The following TIAM1 variants were observed in gnomAD, a reference collection of about 807,000 sequenced individuals.
TIAM1 encodes the protein TIAM Rac1 associated GEF 1.
In TIAM1, 65 loss-of-function variants were observed where a neutral mutation model predicts 163.5. That is an observed-to-expected ratio of 0.40 (90% CI 0.33 to 0.49). The LOEUF (loss-of-function observed/expected upper bound fraction) is 0.49, where lower values mean the gene tolerates loss of function less well. TIAM1 is among the 20% of genes least tolerant of loss of function. TIAM1 has a pLI of 0.77. For synonymous variants in TIAM1, 833 were observed against 810.1 expected (o/e 1.03, Z -0.48); for missense variants, 1,789 against 2,044.7 (o/e 0.87, Z 2.41).
At chr21:31,321,781 G>A (rs1311302961) in intron 2 of TIAM1, among the ~76,000 whole-genome samples, 1 of 152,050 alleles carries the variant, frequency 6.6e-6, no homozygotes, top group Non-Finnish European at 1.5e-5. Context: ...ATCTCAGGCC[G>A]GGCACGGTGG....
chr21:31,317,318 G>C (rs1362354010), intron 2 of TIAM1, among the ~76,000 whole-genome samples: 1 of 152,098 alleles, frequency 6.6e-6, no homozygotes, highest in African/African-American at 2.4e-5. Flanking sequence ...GCCGGGCGTG[G>C]TGGCACATGC....
upstream of TIAM1, among the ~76,000 whole-genome samples, chr21:31,344,976 T>TA (rs1244846256): frequency 6.6e-6 from 1 of 152,190 alleles, no homozygotes; most frequent in Non-Finnish European, 1.5e-5. Flanking sequence ...CATGCTAACT[T>TA]AAAGTTTACC....
At chr21:31,254,695 C>G (rs2071996057) in intron 4 of TIAM1, among the ~76,000 whole-genome samples, 1 of 151,360 alleles carries the variant, frequency 6.6e-6, no homozygotes, top group Admixed American at 6.6e-5. Flanking sequence ...GAGAGAGAGA[C>G]CCTGTCTCAA....
At chr21:31,506,002 C>T (rs939000302) in intron 1 of TIAM1, among the ~76,000 whole-genome samples, 6 of 119,698 alleles carry the variant, frequency 5.0e-5, no homozygotes, top group Non-Finnish European at 1.7e-5. Flanking sequence ...CACGGTGAGA[C>T]TCTGCCTCAA....
In TIAM1 at chr21:31,233,953, A is replaced by G. The variant is rs573251090; in HGVS notation, c.1585-8003T>C. Among the ~76,000 whole-genome samples, 3 of 152,224 alleles carry G rather than the reference A, an allele frequency of 2.0e-5. No homozygotes were observed. In the East Asian group the frequency reaches 5.8e-4, roughly 29 times the overall value. On this transcript the variant is annotated intron_variant, in intron 6 of 27. Coordinates refer to ENST00000541036, the MANE Select transcript of TIAM1 (RefSeq NM_001353694.2). ...AAAGCTCAGTCGCCTCCAAGAAAAG[A>G]CTCACAAATAATCGTCAACCGGAGT... is the stretch of plus-strand genomic sequence containing the variant.
intron 16 of TIAM1, chr21:31,160,602 T>C: frequency 2.5e-6 from 1 of 398,398 alleles, no homozygotes; most frequent in African/African-American, 2.1e-5. Flanking sequence ...AGAAGTTTCT[T>C]AAAATATTCC....
At chr21:31,278,483 T>C (rs1036398284) in intron 2 of TIAM1, among the ~76,000 whole-genome samples, 2 of 152,220 alleles carry the variant, frequency 1.3e-5, no homozygotes, top group Non-Finnish European at 2.9e-5. Context: ...GGTACTTTCT[T>C]CCCAGACATT....
intron 1 of TIAM1, among the ~76,000 whole-genome samples, chr21:31,558,068 G>A (rs940375324): frequency 6.6e-6 from 1 of 152,168 alleles, no homozygotes; most frequent in Non-Finnish European, 1.5e-5. Context: ...GAGGGGGCAA[G>A]CGGCAGCCGC....
chr21:31,130,481 G>T lies in TIAM1; in HGVS notation c.3943-166C>A, dbSNP rs940771336. 3.3e-5 allele frequency among the ~76,000 whole-genome samples: 5 copies of T among 152,328 alleles called. No homozygotes were observed. In the South Asian group the frequency reaches 8.3e-4, roughly 25 times the overall value. On this transcript the variant is annotated intron_variant, in intron 24 of 27. Coordinates refer to ENST00000541036, the MANE Select transcript of TIAM1 (RefSeq NM_001353694.2). ...TCCATCCAGCAGGAAGTGAGAGGCT[G>T]CGTGATAAATACGTTGAGGGGAGGG... is the stretch of plus-strand genomic sequence containing the variant.
At chr21:31,124,749 C>T in intron 26 of TIAM1, 55 bp from the exon 27 acceptor site, 1 of 1,438,792 alleles carries the variant, frequency 7.0e-7, no homozygotes. Flanking sequence ...ACATGGGGAA[C>T]TTCTAAGGTT....
chr21:31,445,038 G>GA (rs1200443812), intron 2 of TIAM1, among the ~76,000 whole-genome samples: 1 of 151,028 alleles, frequency 6.6e-6, no homozygotes, highest in African/African-American at 2.4e-5. Context: ...GAAGAGAAAA[G>GA]AAAGAACAGA....
intron 1 of TIAM1, among the ~76,000 whole-genome samples, chr21:31,464,377 T>C (rs958003744): frequency 1.5e-4 from 23 of 152,136 alleles, no homozygotes; most frequent in African/African-American, 5.1e-4. Context: ...AGATGAGTAA[T>C]ACGTTTTTAT....
chr21:31,495,525 C>T (rs1027253403), intron 1 of TIAM1, among the ~76,000 whole-genome samples: 1 of 152,206 alleles, frequency 6.6e-6, no homozygotes, highest in African/African-American at 2.4e-5. Flanking sequence ...ACAGCCTAAT[C>T]GCCTCTTAAA....
At chr21:31,133,328 C>T (rs743325) in intron 23 of TIAM1, among the ~76,000 whole-genome samples, 99,571 of 152,096 alleles carry the variant, frequency 0.65, 34,047 homozygotes, top group African/African-American at 0.86. Flanking sequence ...ACGTCTTGTA[C>T]CTCAGAGCCT....
intron 2 of TIAM1, among the ~76,000 whole-genome samples, chr21:31,338,687 C>A (rs1328866542): frequency 6.6e-6 from 1 of 152,254 alleles, no homozygotes; most frequent in East Asian, 1.9e-4. Context: ...GAGTTAACTG[C>A]GAACGTTGCA....
chr21:31,186,370 A>G (rs1234128260), intron 14 of TIAM1, among the ~76,000 whole-genome samples: 1 of 152,218 alleles, frequency 6.6e-6, no homozygotes, highest in Admixed American at 6.5e-5. Flanking sequence ...ACCAAAGTAC[A>G]GAGGGGTCTT....
chr21:31,280,506 T>G (rs1337411964), intron 2 of TIAM1, among the ~76,000 whole-genome samples: 1 of 152,004 alleles, frequency 6.6e-6, no homozygotes, highest in Non-Finnish European at 1.5e-5. Flanking sequence ...GGTATGTGTT[T>G]ATCAGCAGGA....
At chr21:31,496,300 A>C (rs1042841968) in intron 1 of TIAM1, among the ~76,000 whole-genome samples, 1 of 151,892 alleles carries the variant, frequency 6.6e-6, no homozygotes, top group Admixed American at 6.6e-5. Context: ...GACCAACCTG[A>C]CCAACATGGT....
At chr21:31,284,454 G>T (rs536835805) in intron 2 of TIAM1, among the ~76,000 whole-genome samples, 2 of 152,130 alleles carry the variant, frequency 1.3e-5, no homozygotes, top group Non-Finnish European at 2.9e-5. Flanking sequence ...CACAGCAGGG[G>T]GGGTGGAGGG....
Sources: gnomAD v4.1 joint callset for allele counts (sites outside exome capture counted in the v4.1 genomes callset) on GRCh38, gnomAD v4.1.1 for gene constraint, MANE v1.5 for transcripts, NCBI Gene and HGNC (gene_info 2026-07-23, HGNC 2026-07-21) for gene names.